Variants in PDE3B observed in about 807,000 individuals in gnomAD.
The protein encoded by PDE3B is cGMP-inhibited 3',5'-cyclic phosphodiesterase 3B.
A neutral mutation model predicts 116.8 loss-of-function variants in PDE3B; 66 were observed. That is an observed-to-expected ratio of 0.56 (90% CI 0.46 to 0.69). The LOEUF is 0.69. Ranked by LOEUF, PDE3B falls within the 30% of genes least tolerant of loss-of-function variation. The probability of loss-of-function intolerance (pLI) is 0.00; values close to 1 mark genes in which losing one functional copy is unlikely to be tolerated. For missense variants in PDE3B, 1,384 were observed against 1,368.1 expected, an observed-to-expected ratio of 1.01 and a Z score of -0.18; for synonymous variants, 595 against 533.6, an observed-to-expected ratio of 1.12 and a Z score of -1.59.
downstream of PDE3B, among the ~76,000 whole-genome samples, chr11:14,876,948 A>G (rs1316359591): frequency 6.6e-6 from 1 of 152,110 alleles, no homozygotes; most frequent in South Asian, 2.1e-4. Flanking sequence ...CCAAGATGCA[A>G]ACTCCTGATG....
At chr11:14,725,762 A>G (rs2133848601) in intron 1 of PDE3B, among the ~76,000 whole-genome samples, 1 of 150,848 alleles carries the variant, frequency 6.6e-6, no homozygotes, top group Admixed American at 6.6e-5. Flanking sequence ...CTAAGCCACC[A>G]TTTTCTCTTG....
chr11:14,864,252 T>G (rs1848003123), intron 14 of PDE3B, among the ~76,000 whole-genome samples: 1 of 152,188 alleles, frequency 6.6e-6, no homozygotes, highest in Non-Finnish European at 1.5e-5. Flanking sequence ...CAAGAACAGC[T>G]AACTATCCTA....
At chr11:14,830,034 A>G (rs187652288) in intron 7 of PDE3B, among the ~76,000 whole-genome samples, 51 of 152,250 alleles carry the variant, frequency 3.3e-4, no homozygotes, top group Non-Finnish European at 6.5e-4. Flanking sequence ...TATATTTTTA[A>G]GTACCATCCA....
chr11:14,750,108 AT>A (rs943844239), intron 1 of PDE3B, among the ~76,000 whole-genome samples: 10 of 151,548 alleles, frequency 6.6e-5, no homozygotes, highest in Admixed American at 2.0e-4. Context: ...AATTCCTCCT[AT>A]TCAGCCTTTT....
intron 1 of PDE3B, among the ~76,000 whole-genome samples, chr11:14,765,438 T>C (rs1857473166): frequency 6.6e-6 from 1 of 151,910 alleles, no homozygotes; most frequent in Admixed American, 6.6e-5. Flanking sequence ...CTTAAAAACA[T>C]ATTCAAACAG....
At chr11:14,660,550 C>A (rs1182139069) in intron 1 of PDE3B, among the ~76,000 whole-genome samples, 1 of 152,010 alleles carries the variant, frequency 6.6e-6, no homozygotes, top group Non-Finnish European at 1.5e-5. Flanking sequence ...GTCATCTGCC[C>A]ACCTTGGCCT....
the PDE3B span, chr11:14,891,637 T>G: frequency 1.4e-5 from 16 of 1,106,888 alleles, no homozygotes; most frequent in Non-Finnish European, 1.7e-5. Context: ...CCTGAGGGCA[T>G]GCGTCCACCC....
intron 1 of PDE3B, among the ~76,000 whole-genome samples, chr11:14,714,071 T>TA (rs1565103360): frequency 6.6e-6 from 1 of 151,942 alleles, no homozygotes; most frequent in East Asian, 1.9e-4. Context: ...ACTTTTTTTT[T>TA]AAAAAATGAC....
At chr11:14,734,667 A>G (rs985467821) in intron 1 of PDE3B, among the ~76,000 whole-genome samples, 3 of 152,322 alleles carry the variant, frequency 2.0e-5, no homozygotes, top group Admixed American at 6.5e-5. Flanking sequence ...ATATAATTCT[A>G]TTCTTTTAAA....
At chr11:14,749,899 C>CATATATATATATATATATATAT (rs66919202) in intron 1 of PDE3B, among the ~76,000 whole-genome samples, 1,427 of 77,478 alleles carry the variant, frequency 0.018, 158 homozygotes, top group South Asian at 0.032. Flanking sequence ...AAATATATCC[C>CATATATATATATATATATATAT]ATATATATAT....
In PDE3B at chr11:14,750,353, TGA is replaced by T. The variant is rs1857025716; in HGVS notation, c.979-21580_979-21579del. ...ATCCTTATATTTACTAACTTCTGAA[TGA>T]GAGTTTATGATTATTTCAAATCATA... On this transcript the variant is annotated intron_variant, in intron 1 of 15. Transcript: ENST00000282096. Among the ~76,000 whole-genome samples the T allele has an allele frequency of 2.6e-5, 4 of 152,234 alleles. No homozygotes were observed. The South Asian group carries it at 8.3e-4, about 32-fold the overall frequency.
At chr11:14,757,865 T>TG (rs1259483790) in intron 1 of PDE3B, among the ~76,000 whole-genome samples, 1 of 149,758 alleles carries the variant, frequency 6.7e-6, no homozygotes, top group Non-Finnish European at 1.5e-5. Context: ...GTTTTGGACA[T>TG]GAAGTCCTTG....
chr11:14,804,781 A>G (rs1858871440), intron 5 of PDE3B, among the ~76,000 whole-genome samples: 2 of 152,164 alleles, frequency 1.3e-5, no homozygotes, highest in Admixed American at 1.3e-4. Context: ...AGGAAATAGA[A>G]GGAATAATGG....
chr11:14,896,448 T>A, the PDE3B span, among the ~76,000 whole-genome samples: 2 of 152,342 alleles, frequency 1.3e-5, no homozygotes, highest in East Asian at 3.9e-4. Flanking sequence ...GGGGTTTACA[T>A]TCTATTGGGG....
At chr11:14,885,901 A>G in the PDE3B span, 1 of 1,613,578 alleles carries the variant, frequency 6.2e-7, no homozygotes, top group Non-Finnish European at 8.5e-7. Context: ...TATGCCTCCA[A>G]GATCTAAACT....
At chr11:14,664,697 C>G (rs1463608944) in intron 1 of PDE3B, among the ~76,000 whole-genome samples, 3 of 152,156 alleles carry the variant, frequency 2.0e-5, no homozygotes, top group African/African-American at 4.8e-5. Context: ...GACACATACA[C>G]CCTCCCAAGA....
the PDE3B span, among the ~76,000 whole-genome samples, chr11:14,898,803 C>A: frequency 6.6e-6 from 1 of 151,980 alleles, no homozygotes; most frequent in African/African-American, 2.4e-5. Context: ...TACCATTCAA[C>A]CTGAAATCAA....
rs1291928685 is a variant in PDE3B at position 14,807,262 on chromosome 11, TA to T, written c.1522+3219del. Among the ~76,000 whole-genome samples, 6 of 152,042 alleles carry T rather than the reference TA, an allele frequency of 3.9e-5. No individual in the cohort carries two copies. In the South Asian group the frequency reaches 1.0e-3, roughly 26 times the overall value. On this transcript the variant is annotated intron_variant, in intron 5 of 15. Transcript: ENST00000282096. ...CCTAGAACTTAAAGTATAATAATAA[TA>T]AAAAAATTGATGGGTAAACACAATA...
chr11:14,747,260 T>A (rs1404430776), intron 1 of PDE3B, among the ~76,000 whole-genome samples: 1 of 152,172 alleles, frequency 6.6e-6, no homozygotes, highest in Non-Finnish European at 1.5e-5. Flanking sequence ...GGGAATCACA[T>A]TTCAGCATGA....
Sources: allele counts gnomAD v4.1 joint callset (sites outside exome capture counted in the v4.1 genomes callset), GRCh38; gene constraint gnomAD v4.1.1; transcripts MANE v1.5; gene names NCBI Gene and HGNC (gene_info 2026-07-23, HGNC 2026-07-21).